SLC35D4: variants seen among roughly 807,000 people sequenced by gnomAD.
SLC35D4 encodes the protein UDP-N-acetylglucosamine transporter SLC35D4.
chr18:23,369,582 C>A, the SLC35D4 span, among the ~76,000 whole-genome samples: 1 of 152,154 alleles, frequency 6.6e-6, no homozygotes, highest in East Asian at 1.9e-4. Flanking sequence ...CGATTGGCAC[C>A]CAAAGCAGCT....
the SLC35D4 span, among the ~76,000 whole-genome samples, chr18:23,428,672 C>A: frequency 1.3e-4 from 20 of 150,168 alleles, no homozygotes; most frequent in Admixed American, 1.3e-3. Context: ...TTCATGTCAC[C>A]ATGCCTAGCT....
chr18:23,310,011 A>G, the SLC35D4 span, among the ~76,000 whole-genome samples: 1 of 152,210 alleles, frequency 6.6e-6, no homozygotes, highest in African/African-American at 2.4e-5. Context: ...TAACTTCCAA[A>G]TTCTTCAAAA....
At chr18:23,362,883 T>C in the SLC35D4 span, among the ~76,000 whole-genome samples, 1 of 152,170 alleles carries the variant, frequency 6.6e-6, no homozygotes, top group Admixed American at 6.5e-5. Context: ...CTGACCATCA[T>C]AAGTTTAACA....
the SLC35D4 span, among the ~76,000 whole-genome samples, chr18:23,340,131 G>A: frequency 2.0e-5 from 3 of 152,028 alleles, no homozygotes; most frequent in African/African-American, 7.3e-5. Context: ...CACCCAAACT[G>A]TAAGAATCTA....
the SLC35D4 span, among the ~76,000 whole-genome samples, chr18:23,241,564 A>G: frequency 6.6e-6 from 1 of 152,160 alleles, no homozygotes; most frequent in African/African-American, 2.4e-5. Context: ...GTGATATAAG[A>G]TGTAGTACAG....
chr18:23,286,961 C>T, the SLC35D4 span, among the ~76,000 whole-genome samples: 3 of 151,342 alleles, frequency 2.0e-5, no homozygotes, highest in African/African-American at 4.9e-5. Flanking sequence ...TATAAGATAC[C>T]TCTACTCCCT....
the SLC35D4 span, among the ~76,000 whole-genome samples, chr18:23,435,757 G>A: frequency 6.6e-6 from 1 of 152,206 alleles, no homozygotes; most frequent in Non-Finnish European, 1.5e-5. Context: ...GCGCAGTGGC[G>A]TGATCTCCAC....
the SLC35D4 span, among the ~76,000 whole-genome samples, chr18:23,255,885 A>C: frequency 6.6e-6 from 1 of 152,236 alleles, no homozygotes; most frequent in Middle Eastern, 3.4e-3. Flanking sequence ...CTTTTGATGT[A>C]ACAGATATTT....
At chr18:23,380,077 A>G in the SLC35D4 span, among the ~76,000 whole-genome samples, 29 of 152,210 alleles carry the variant, frequency 1.9e-4, no homozygotes, top group Admixed American at 1.9e-3. Flanking sequence ...AGCCTGGGCG[A>G]CAGGGTGAGG....
chr18:23,352,091 A>G, the SLC35D4 span: 4 of 921,104 alleles, frequency 4.3e-6, no homozygotes, highest in Non-Finnish European at 6.6e-6. Flanking sequence ...GACAGCGCCT[A>G]GAAGTGGTCT....
At chr18:23,403,385 C>G in the SLC35D4 span, among the ~76,000 whole-genome samples, 1 of 152,106 alleles carries the variant, frequency 6.6e-6, no homozygotes, top group South Asian at 2.1e-4. Context: ...GGAAAGCTTC[C>G]CCATATACGT....
At chr18:23,368,732 G>T in the SLC35D4 span, 1 of 1,446,838 alleles carries the variant, frequency 6.9e-7, no homozygotes, top group Non-Finnish European at 9.6e-7. Flanking sequence ...TATAGTTTAA[G>T]TATTGCTGGT....
chr18:23,432,680 C>CAA, the SLC35D4 span, among the ~76,000 whole-genome samples: 79 of 80,276 alleles, frequency 9.8e-4, no homozygotes, highest in African/African-American at 2.8e-3. Context: ...GACTCCTTCT[C>CAA]AAAAAAAAAA....
At chr18:23,302,982 A>G in the SLC35D4 span, among the ~76,000 whole-genome samples, 1 of 152,250 alleles carries the variant, frequency 6.6e-6, no homozygotes, top group Non-Finnish European at 1.5e-5. Flanking sequence ...TGAAAAGCAA[A>G]TGAGAAGAAA....
the SLC35D4 span, among the ~76,000 whole-genome samples, chr18:23,272,485 T>C: frequency 1.4e-4 from 21 of 151,992 alleles, no homozygotes; most frequent in African/African-American, 4.6e-4. Flanking sequence ...TGGAATAAAA[T>C]GGAATAAAAA....
the SLC35D4 span, among the ~76,000 whole-genome samples, chr18:23,417,977 T>C: frequency 6.6e-6 from 1 of 152,188 alleles, no homozygotes; most frequent in Non-Finnish European, 1.5e-5. Flanking sequence ...TATTTCAATA[T>C]TGTAACTATC....
the SLC35D4 span, among the ~76,000 whole-genome samples, chr18:23,343,575 C>A: frequency 6.6e-6 from 1 of 152,000 alleles, no homozygotes; most frequent in Admixed American, 6.6e-5. Flanking sequence ...TTTTTGTTAA[C>A]TTTTAGGTTC....
the SLC35D4 span, among the ~76,000 whole-genome samples, chr18:23,354,068 G>A: frequency 3.9e-5 from 6 of 152,140 alleles, no homozygotes; most frequent in Admixed American, 1.3e-4. Context: ...AGTTGCCTGC[G>A]CTGGAACTAT....
chr18:23,383,213 G>A, the SLC35D4 span, among the ~76,000 whole-genome samples: 2 of 152,160 alleles, frequency 1.3e-5, no homozygotes, highest in African/African-American at 2.4e-5. Context: ...TCCTCTGTGA[G>A]CAGCAGGTGG....
Sources: gnomAD v4.1 joint callset for allele counts (sites outside exome capture counted in the v4.1 genomes callset) on GRCh38, gnomAD v4.1.1 for gene constraint, MANE v1.5 for transcripts, NCBI Gene and HGNC (gene_info 2026-07-23, HGNC 2026-07-21) for gene names.